The following ZMIZ1 variants were observed in gnomAD, a reference collection of about 807,000 sequenced individuals.
ZMIZ1 encodes zinc finger MIZ domain-containing protein 1.
A neutral mutation model predicts 113.9 loss-of-function variants in ZMIZ1; 17 were observed. The ratio of observed to expected loss-of-function variants is 0.15; its 90% CI spans 0.10 to 0.22. ZMIZ1 has a LOEUF of 0.22. Ranked by LOEUF, ZMIZ1 falls within the 10% of genes least tolerant of loss-of-function variation. ZMIZ1 has a pLI of 1.00. For synonymous variants in ZMIZ1, 607 were observed against 603.1 expected (o/e 1.01, Z -0.09); for missense variants, 1,059 against 1,477.8 (o/e 0.72, Z 4.65).
chr10:79,242,830 G>A (rs1329344679), intron 7 of ZMIZ1, among the ~76,000 whole-genome samples: 1 of 152,006 alleles, frequency 6.6e-6, no homozygotes, highest in Non-Finnish European at 1.5e-5. Flanking sequence ...AGTGCTGCTC[G>A]TCGGGTCGTG....
chr10:79,072,372 TCA>T (rs1218109359), intron 1 of ZMIZ1, among the ~76,000 whole-genome samples: 1 of 152,194 alleles, frequency 6.6e-6, no homozygotes, highest in Non-Finnish European at 1.5e-5. Context: ...CATGCTTGAC[TCA>T]TTCCAGAAAA....
chr10:79,170,938 GAA>G (rs1846571559), intron 4 of ZMIZ1, among the ~76,000 whole-genome samples: 1 of 152,152 alleles, frequency 6.6e-6, no homozygotes, highest in Non-Finnish European at 1.5e-5. Context: ...GAGCCCCTAG[GAA>G]AAGAGAGTGC....
chr10:79,171,303 G>A (rs7918861), intron 4 of ZMIZ1, among the ~76,000 whole-genome samples: 245 of 152,326 alleles, frequency 1.6e-3, no homozygotes, highest in African/African-American at 5.7e-3. Flanking sequence ...TCACTCCACC[G>A]GGGATGAGGC....
intron 4 of ZMIZ1, among the ~76,000 whole-genome samples, chr10:79,179,653 A>C (rs1847028926): frequency 6.6e-6 from 1 of 152,250 alleles, no homozygotes; most frequent in African/African-American, 2.4e-5. Flanking sequence ...GTCTCCCTGC[A>C]GTCTGCTTCT....
chr10:79,166,997 G>A (rs951027436), intron 4 of ZMIZ1, among the ~76,000 whole-genome samples: 4 of 152,222 alleles, frequency 2.6e-5, no homozygotes, highest in East Asian at 3.9e-4. Context: ...CCTGGGCTGC[G>A]GCTCCACCGT....
intron 1 of ZMIZ1, among the ~76,000 whole-genome samples, chr10:79,100,755 G>A (rs560165276): frequency 1.9e-4 from 29 of 152,310 alleles, no homozygotes; most frequent in African/African-American, 7.0e-4. Context: ...AAACAGTGCT[G>A]CAGATATCAT....
At chr10:79,253,570 C>T (rs1416309051) in intron 7 of ZMIZ1, among the ~76,000 whole-genome samples, 2 of 152,158 alleles carry the variant, frequency 1.3e-5, no homozygotes, top group African/African-American at 4.8e-5. Flanking sequence ...GGGGTGGGAA[C>T]TGAGGGTCAG....
intron 3 of ZMIZ1, among the ~76,000 whole-genome samples, chr10:79,142,100 G>T (rs893572867): frequency 1.3e-5 from 2 of 152,238 alleles, no homozygotes; most frequent in Non-Finnish European, 2.9e-5. Flanking sequence ...ACAGGAGCCA[G>T]TGGTAGAAGG....
chr10:79,245,386 A>ACC (rs1394424826), intron 7 of ZMIZ1, among the ~76,000 whole-genome samples: 1 of 152,184 alleles, frequency 6.6e-6, no homozygotes, highest in Non-Finnish European at 1.5e-5. Context: ...GAAGGCAGGG[A>ACC]CCACGTGTTT....
chr10:79,136,134 C>T (rs1366134947), intron 2 of ZMIZ1, among the ~76,000 whole-genome samples: 2 of 152,226 alleles, frequency 1.3e-5, no homozygotes, highest in Admixed American at 6.5e-5. Flanking sequence ...AGGATAGTCT[C>T]AGAACTCATG....
Position 79,306,488 on chromosome 10 carries a change from C to G in ZMIZ1, c.2668+144C>G, listed in dbSNP as rs1043823205. 5.0e-6 allele frequency: 7 copies of G among 1,401,294 alleles called. No individual in the cohort carries two copies. The African/African-American group carries it at 1.0e-4, about 20-fold the overall frequency. 86.8% of individuals were successfully genotyped at this position (1,401,294 alleles called of 1,614,324 possible). The stretch of plus-strand genomic sequence containing the variant: ...TAACACATCCCCCAAAAAACAATTC[C>G]CAGTTTGCTAGACTTGAGGGTACAT... On this transcript the variant is annotated intron_variant, in intron 22 of 24. Coordinates refer to ENST00000334512, the MANE Select transcript of ZMIZ1 (RefSeq NM_020338.4).
intron 7 of ZMIZ1, among the ~76,000 whole-genome samples, chr10:79,238,638 G>C (rs1261301181): frequency 1.3e-5 from 2 of 152,240 alleles, no homozygotes; most frequent in East Asian, 3.8e-4. Context: ...TTGACTGTGT[G>C]ACCTGGAGGT....
At chr10:79,289,034 C>T (rs1421075638) in intron 8 of ZMIZ1, among the ~76,000 whole-genome samples, 1 of 152,136 alleles carries the variant, frequency 6.6e-6, no homozygotes, top group African/African-American at 2.4e-5. Context: ...ATGGTGGGGT[C>T]CGCCAGAGGA....
chr10:79,166,480 G>A (rs560794840), intron 4 of ZMIZ1, among the ~76,000 whole-genome samples: 3 of 152,332 alleles, frequency 2.0e-5, no homozygotes, highest in South Asian at 2.1e-4. Flanking sequence ...TGGCCCTGCC[G>A]TGCCGGCCAC....
At chr10:79,307,092 G>GCTCAGCAGGTCTGCT (rs1251812667) in intron 22 of ZMIZ1, among the ~76,000 whole-genome samples, 2 of 152,158 alleles carry the variant, frequency 1.3e-5, no homozygotes, top group African/African-American at 4.8e-5. Flanking sequence ...TTGGGGAGTA[G>GCTCAGCAGGTCTGCT]CTCAGCAGGT....
rs1194762961 is a variant in ZMIZ1 at position 79,312,920 on chromosome 10, GGTGCACCA to G, written c.*181_*188del. The G allele has an allele frequency of 1.3e-5, 8 of 622,068 alleles. No homozygotes were observed. Among genetic ancestry groups the G allele is most frequent in the African/African-American group, 5.6e-5 (3 of 53,866 alleles). 38.5% of individuals were successfully genotyped at this position (622,068 alleles called of 1,614,324 possible). A position where few individuals can be genotyped will look rare whatever the true frequency, so the allele number is the denominator to read the frequency against. ...CCTCTCAGAACAGAGGGGTAGGGAG[GGTGCACCA>G]GTGCACCAGGAAGGCTGTGTGGGTC... On this transcript the variant is annotated 3_prime_UTR_variant, in exon 25 of 25. Transcript: ENST00000334512.
intron 18 of ZMIZ1, among the ~76,000 whole-genome samples, chr10:79,302,652 G>C (rs1854383677): frequency 7.0e-6 from 1 of 142,818 alleles, no homozygotes; most frequent in Non-Finnish European, 1.5e-5. Context: ...GTGGATTCCA[G>C]ATTGGCCTCC....
At chr10:79,172,788 C>G (rs1317593663) in intron 4 of ZMIZ1, among the ~76,000 whole-genome samples, 1 of 152,238 alleles carries the variant, frequency 6.6e-6, no homozygotes, top group African/African-American at 2.4e-5. Context: ...TTTCCATTAT[C>G]AAACTTTACA....
At chr10:79,071,695 C>T (rs1589238914) in intron 1 of ZMIZ1, among the ~76,000 whole-genome samples, 1 of 152,122 alleles carries the variant, frequency 6.6e-6, no homozygotes, top group Admixed American at 6.6e-5. Context: ...CTGACCTTTC[C>T]CTCTTCAAGT....
Sources: gnomAD v4.1 joint callset for allele counts (sites outside exome capture counted in the v4.1 genomes callset) on GRCh38, gnomAD v4.1.1 for gene constraint, MANE v1.5 for transcripts, NCBI Gene and HGNC (gene_info 2026-07-23, HGNC 2026-07-21) for gene names.